Variants in USP3 observed in about 807,000 individuals in gnomAD.
USP3 encodes the protein ubiquitin carboxyl-terminal hydrolase 3.
In USP3, 20 loss-of-function variants were observed where a neutral mutation model predicts 72.3. That is an observed-to-expected ratio of 0.28 (90% CI 0.19 to 0.40). USP3 has a LOEUF of 0.40. Among genes scored for constraint, USP3 ranks in the 10% least tolerant of loss-of-function variants. The pLI is 1.00. For synonymous variants in USP3, 222 were observed against 225.3 expected (o/e 0.99, Z 0.13); for missense variants, 479 against 633.9 (o/e 0.76, Z 2.62).
intron 1 of USP3, 111 bp downstream of exon 1, chr15:63,504,941 G>A (rs1168787093): frequency 2.0e-5 from 16 of 798,498 alleles, no homozygotes; most frequent in Non-Finnish European, 2.5e-5. Flanking sequence ...AGGGGCGAGG[G>A]CGAGCCGGGC....
At position 63,553,779 on chromosome 15, in the gene USP3, C is replaced by T. The variant is rs774828249; in HGVS notation, c.349C>T (p.His117Tyr). The T allele has an allele frequency of 4.3e-6, 7 of 1,612,718 alleles. No individual in the cohort carries two copies. The South Asian group carries it at 4.4e-5, about 10-fold the overall frequency. The change falls in exon 4 of 15, where the codon CAC (histidine) becomes TAC (tyrosine). Residue 117 changes from histidine (H) to tyrosine (Y), a missense_variant. His to Tyr is a moderately conservative substitution (Grantham distance 83). Coordinates refer to ENST00000380324, the MANE Select transcript of USP3 (RefSeq NM_006537.4). The surrounding 1 kb of genome is among the most constrained non-coding windows in gnomAD (Gnocchi z 4.2). Reference protein sequence around the residue: ...KLGLVQKVREHLQNLENSAFT... With the variant: ...KLGLVQKVREYLQNLENSAFT... ...GGGACTGGTACAGAAAGTCAGAGAA[C>T]ACTTACAGAACTTGGAAAAGTAAGT...
At chr15:63,590,428 C>T (rs1223954071) in intron 14 of USP3, among the ~76,000 whole-genome samples, 3 of 152,124 alleles carry the variant, frequency 2.0e-5, no homozygotes, top group Non-Finnish European at 4.4e-5. Flanking sequence ...TGTTAGGTTG[C>T]GAGTTCCTCA....
At position 63,594,130 on chromosome 15, in the gene USP3, C is replaced by A. The variant is rs1468059245; in HGVS notation, c.*3304C>A. ...TCTGGGGTTGGGGGCATATTTATTT[C>A]TTAAAGCCAAACCTCTCCTTCATTG... On this transcript the variant is annotated 3_prime_UTR_variant, in exon 15 of 15. Coordinates refer to ENST00000380324, the MANE Select transcript of USP3 (RefSeq NM_006537.4). 2 of 152,338 alleles carry A rather than the reference C, an allele frequency of 1.3e-5. No individual in the cohort carries two copies. The highest frequency in any genetic ancestry group is 2.9e-5 in the Non-Finnish European group (2 of 68,146). 9.4% of individuals were successfully genotyped at this position (152,338 alleles called of 1,614,324 possible).
At chr15:63,587,280 T>TTGAG (rs1176162924) in intron 11 of USP3, among the ~76,000 whole-genome samples, 1 of 152,130 alleles carries the variant, frequency 6.6e-6, no homozygotes, top group Non-Finnish European at 1.5e-5. Context: ...CCCTGGCTCC[T>TTGAG]TGAGTACTCG....
Position 63,513,842 on chromosome 15 carries a change from C to A in USP3, c.91+9012C>A, listed in dbSNP as rs1018702529. Among the ~76,000 whole-genome samples the A allele has an allele frequency of 2.0e-5, 3 of 152,220 alleles. No homozygotes were observed. The East Asian group carries it at 5.8e-4, about 29-fold the overall frequency. On this transcript the variant is annotated intron_variant, in intron 1 of 14. Coordinates refer to ENST00000380324, the MANE Select transcript of USP3 (RefSeq NM_006537.4). ...TTTCCCTGAGATAATCGATGGATGA[C>A]ATGTTAGAAAAATGTTCTACTATAT...
intron 3 of USP3, among the ~76,000 whole-genome samples, chr15:63,547,544 AC>A (rs909594974): frequency 1.9e-4 from 29 of 151,480 alleles, no homozygotes; most frequent in African/African-American, 6.3e-4. Flanking sequence ...AGCCAGGGCA[AC>A]ATAGTGAGAC....
At chr15:63,584,297 C>T (rs2067017339) in intron 11 of USP3, among the ~76,000 whole-genome samples, 1 of 152,036 alleles carries the variant, frequency 6.6e-6, no homozygotes, top group Non-Finnish European at 1.5e-5. Context: ...TGGGGTTTCA[C>T]TGTGTTAGCC....
At chr15:63,548,297 C>T (rs950511769) in intron 3 of USP3, among the ~76,000 whole-genome samples, 1 of 151,476 alleles carries the variant, frequency 6.6e-6, no homozygotes, top group South Asian at 2.1e-4. Context: ...TCATGCTTGG[C>T]TATTTATTTA....
intron 2 of USP3, chr15:63,533,774 T>C (rs1203139790): frequency 2.0e-6 from 2 of 988,778 alleles, no homozygotes; most frequent in South Asian, 3.0e-5. Context: ...ATTTCTTAAT[T>C]GTGGCTGTTG....
At position 63,588,945 on chromosome 15, in the gene USP3, C is replaced by T. The variant is rs780415836; in HGVS notation, c.1331C>T (p.Pro444Leu). ...TGCTCCTTCTTCCTTGTTCTGTAGC[C>T]TGAGAACAGTGGCCCGGAGAGCTGC... ...GLDMKCYLLE[P>L]ENSGPESCLY... Residue 444 changes from proline to leucine, a missense_variant and splice_region_variant, in exon 14 of 15, where the codon CCT becomes CTT. Transcript: ENST00000380324. The surrounding 1 kb of genome is among the most constrained non-coding windows in gnomAD (Gnocchi z 4.6). 6.2e-7 allele frequency: 1 copy of T among 1,614,126 alleles called. No individual in the cohort carries two copies. Among genetic ancestry groups the T allele is most frequent in the Admixed American group, 1.7e-5 (1 of 60,028 alleles).
At chr15:63,511,979 T>C (rs2065789122) in intron 1 of USP3, among the ~76,000 whole-genome samples, 2 of 138,430 alleles carry the variant, frequency 1.4e-5, no homozygotes, top group South Asian at 4.6e-4. Flanking sequence ...TTTTTTGAGA[T>C]GGAGTCTCAC....
rs1566922679 is a variant in USP3 at position 63,590,686 on chromosome 15, T to C, written c.1423T>C (p.Tyr475His). The C allele has an allele frequency of 6.2e-7, 1 of 1,613,352 alleles. No individual in the cohort carries two copies. The highest frequency in any genetic ancestry group is 8.5e-7 in the Non-Finnish European group (1 of 1,179,626). The change falls in exon 15 of 15, where the codon TAC becomes CAC. Residue 475 changes from tyrosine (Y) to histidine (H), a missense_variant. Tyr to His is a moderately conservative substitution (Grantham distance 83, BLOSUM62 2). Coordinates refer to ENST00000380324, the MANE Select transcript of USP3 (RefSeq NM_006537.4). ...GGTTGGTTCTGGACATTACACAGCA[T>C]ACGCAACTCACGAAGGCCGCTGGTT... is the stretch of plus-strand genomic sequence containing the variant. ...SGVGSGHYTA[Y>H]ATHEGRWFHF...
At chr15:63,578,564 AC>A (rs914224953) in intron 11 of USP3, among the ~76,000 whole-genome samples, 19 of 150,868 alleles carry the variant, frequency 1.3e-4, no homozygotes, top group Non-Finnish European at 2.7e-4. Context: ...GTGAGCCGAG[AC>A]GGCGCCACTG....
Position 63,574,183 on chromosome 15 carries a change from T to C in USP3, c.1015+31T>C. 1 of 1,446,858 alleles carries C rather than the reference T, an allele frequency of 6.9e-7. No homozygotes were observed. Among genetic ancestry groups the C allele is most frequent in the Non-Finnish European group, 9.3e-7 (1 of 1,080,494 alleles). The allele number at this position is 1,446,858 out of a possible 1,614,324, so 89.6% of individuals were successfully genotyped here. ...ATATATGTGGCATGTGGATATATAA[T>C]ATTTTATTAAAATAAATTTAATGTT... On this transcript the variant is annotated intron_variant, in intron 10 of 14. Transcript: ENST00000380324. This position sits in a 1 kb window ranked among gnomAD's most constrained non-coding sequence, Gnocchi z 4.6.
At chr15:63,516,005 C>T (rs1175039494) in intron 1 of USP3, among the ~76,000 whole-genome samples, 1 of 152,174 alleles carries the variant, frequency 6.6e-6, no homozygotes, top group African/African-American at 2.4e-5. Flanking sequence ...TAAATGAAGA[C>T]TTCAGTGTTT....
At chr15:63,530,675 A>G in intron 1 of USP3, 1 of 392,506 alleles carries the variant, frequency 2.5e-6, no homozygotes, top group Non-Finnish European at 5.0e-6. Context: ...TATTCATAAT[A>G]TCTCAGTACT....
At chr15:63,539,551 T>C (rs2152662944) in intron 3 of USP3, among the ~76,000 whole-genome samples, 1 of 152,366 alleles carries the variant, frequency 6.6e-6, no homozygotes, top group South Asian at 2.1e-4. Flanking sequence ...GGGCATATTT[T>C]ATTAACTAGA....
At position 63,559,933 on chromosome 15, in the gene USP3, C is replaced by T. The variant is rs766120793; in HGVS notation, c.610C>T (p.Arg204Trp). The change falls in exon 7 of 15, where the codon CGG becomes TGG. Residue 204 changes from arginine to tryptophan, a missense_variant. Arg to Trp is a moderately radical substitution (Grantham distance 101, BLOSUM62 -3). Transcript: ENST00000380324. ...ELRNGKTAGR[R>W]TYHTRSQGDN... is the part of the protein sequence containing the mutation. ...AAGGAATGGGAAAACAGCAGGAAGG[C>T]GGACATACCACACCAGGAGCCAAGG... 5.0e-6 allele frequency: 8 copies of T among 1,613,948 alleles called. No individual in the cohort carries two copies. The highest frequency in any genetic ancestry group is 2.2e-5 in the East Asian group (1 of 44,854).
chr15:63,589,812 C>T (rs189553762), intron 14 of USP3, among the ~76,000 whole-genome samples: 2 of 148,456 alleles, frequency 1.3e-5, no homozygotes, highest in East Asian at 3.9e-4. Flanking sequence ...CTAAAGACTG[C>T]CATGGCCTAC....
Sources: gnomAD v4.1 joint callset for allele counts (sites outside exome capture counted in the v4.1 genomes callset) on GRCh38, gnomAD v4.1.1 for gene constraint, Gnocchi (gnomAD v3.1) non-coding constraint, MANE v1.5 for transcripts, NCBI Gene and HGNC (gene_info 2026-07-23, HGNC 2026-07-21) for gene names.